CDH4: variants seen among roughly 807,000 people sequenced by gnomAD.
CDH4 encodes the protein cadherin-4.
In CDH4, 33 loss-of-function variants were observed where a neutral mutation model predicts 86.0. That is an observed-to-expected ratio of 0.38 (90% CI 0.29 to 0.51). CDH4 has a LOEUF of 0.51. Ranked by LOEUF, CDH4 falls within the 20% of genes least tolerant of loss-of-function variation. The pLI is 0.86. For synonymous variants in CDH4, 555 were observed against 549.4 expected (o/e 1.01, Z -0.14); for missense variants, 1,114 against 1,307.4 (o/e 0.85, Z 2.28).
intron 8 of CDH4, among the ~76,000 whole-genome samples, chr20:61,908,227 G>T (rs565422148): frequency 6.6e-6 from 1 of 152,210 alleles, no homozygotes; most frequent in South Asian, 2.1e-4. Flanking sequence ...CTTCTGTCGC[G>T]TCGCCGTCCT....
Position 61,879,697 on chromosome 20 carries a change from TGAG to T in CDH4, c.1050+5802_1050+5804del, listed in dbSNP as rs1002991192. The stretch of plus-strand genomic sequence containing the variant: ...CCTAATTAGAATATTTATGGCCTAA[TGAG>T]GAGGTGAACGTGCCGCCCGAGCCCC... On this transcript the variant is annotated intron_variant, in intron 7 of 15. Coordinates refer to ENST00000614565, the MANE Select transcript of CDH4 (RefSeq NM_001794.5). The surrounding 1 kb of genome is among the most constrained non-coding windows in gnomAD (Gnocchi z 4.1). 2.6e-4 allele frequency among the ~76,000 whole-genome samples: 39 copies of T among 152,236 alleles called. No homozygotes were observed. The highest frequency in any genetic ancestry group is 8.9e-4 in the African/African-American group (37 of 41,552).
intron 2 of CDH4, among the ~76,000 whole-genome samples, chr20:61,467,541 T>C (rs6121993): frequency 0.01 from 1,555 of 152,324 alleles, 29 homozygotes; most frequent in African/African-American, 0.036. Context: ...AGGATCTCCT[T>C]GAGGCCAGGG....
chr20:61,286,514 A>T (rs2084294106), intron 2 of CDH4, among the ~76,000 whole-genome samples: 1 of 152,206 alleles, frequency 6.6e-6, no homozygotes, highest in South Asian at 2.1e-4. Context: ...TACGGGTTTC[A>T]GTTCAGAAGT....
intron 2 of CDH4, among the ~76,000 whole-genome samples, chr20:61,373,117 T>A (rs2145436284): frequency 6.6e-6 from 1 of 152,370 alleles, no homozygotes; most frequent in Middle Eastern, 3.4e-3. Context: ...CATGGCTGGC[T>A]TAGGGCAGCA....
At chr20:61,918,649 G>A (rs1423086792) in intron 9 of CDH4, among the ~76,000 whole-genome samples, 1 of 152,150 alleles carries the variant, frequency 6.6e-6, no homozygotes, top group African/African-American at 2.4e-5. Context: ...GACCACCCCT[G>A]GGGAGGATGA....
intron 2 of CDH4, among the ~76,000 whole-genome samples, chr20:61,513,208 C>T (rs889207655): frequency 2.0e-5 from 3 of 152,198 alleles, no homozygotes; most frequent in African/African-American, 2.4e-5. Context: ...GTCTCAGGGT[C>T]TGGCCCTTCC....
At chr20:61,686,561 A>ATGTGCATTCGCGTG (rs2087578873) in intron 2 of CDH4, among the ~76,000 whole-genome samples, 1 of 145,530 alleles carries the variant, frequency 6.9e-6, no homozygotes, top group Non-Finnish European at 1.5e-5. Context: ...GTGTATGTGC[A>ATGTGCATTCGCGTG]TGTGCATTCG....
At chr20:61,622,025 C>T (rs932090912) in intron 2 of CDH4, among the ~76,000 whole-genome samples, 3 of 152,238 alleles carry the variant, frequency 2.0e-5, no homozygotes, top group Admixed American at 6.5e-5. Context: ...CTGTGCCGAT[C>T]GCCTCACAGT....
chr20:61,704,785 GCAC>G (rs1454936534), intron 2 of CDH4, among the ~76,000 whole-genome samples: 4 of 152,018 alleles, frequency 2.6e-5, no homozygotes, highest in African/African-American at 9.7e-5. Flanking sequence ...GCCGCTCTGG[GCAC>G]CACAGGCATT....
intron 3 of CDH4, among the ~76,000 whole-genome samples, chr20:61,760,139 G>A (rs6142850): frequency 2.6e-5 from 4 of 151,436 alleles, no homozygotes; most frequent in Non-Finnish European, 5.9e-5. Flanking sequence ...CTGTATCTTC[G>A]CTTTTGGTGG....
At chr20:61,936,584 C>G (rs1041924706) in intron 15 of CDH4, among the ~76,000 whole-genome samples, 153 bp from the exon 16 acceptor site, 1 of 150,500 alleles carries the variant, frequency 6.6e-6, no homozygotes, top group Non-Finnish European at 1.5e-5. Context: ...CGGAAATGCC[C>G]TTCAGTTAAA....
chr20:61,660,541 T>A (rs971642190), intron 2 of CDH4, among the ~76,000 whole-genome samples: 2 of 152,142 alleles, frequency 1.3e-5, no homozygotes, highest in African/African-American at 4.8e-5. Context: ...GTCTGTTACA[T>A]GTGGGTGCGC....
At chr20:61,634,021 T>C (rs1428452887) in intron 2 of CDH4, among the ~76,000 whole-genome samples, 3 of 152,210 alleles carry the variant, frequency 2.0e-5, no homozygotes, top group African/African-American at 7.2e-5. Context: ...TCTCTGCAAG[T>C]GAAACCTACG....
At chr20:61,512,631 C>T (rs1305598167) in intron 2 of CDH4, among the ~76,000 whole-genome samples, 1 of 152,164 alleles carries the variant, frequency 6.6e-6, no homozygotes, top group African/African-American at 2.4e-5. Flanking sequence ...AGAAATGTTC[C>T]AACACCGGCA....
chr20:61,880,069 G>A (rs1487598598), intron 7 of CDH4, among the ~76,000 whole-genome samples: 1 of 152,232 alleles, frequency 6.6e-6, no homozygotes, highest in Non-Finnish European at 1.5e-5. Flanking sequence ...GAGTGATAAC[G>A]TGGCTCTGTT....
intron 2 of CDH4, among the ~76,000 whole-genome samples, chr20:61,716,573 G>C (rs1246447606): frequency 1.3e-5 from 2 of 152,186 alleles, no homozygotes; most frequent in Admixed American, 1.3e-4. Flanking sequence ...GCAGGCTTGT[G>C]TCCCGCAAAG....
At chr20:61,341,587 G>T (rs1323069765) in intron 2 of CDH4, among the ~76,000 whole-genome samples, 3 of 150,372 alleles carry the variant, frequency 2.0e-5, no homozygotes, top group Non-Finnish European at 2.9e-5. Flanking sequence ...ATTTTTAGCA[G>T]CCTTGAAAAC....
chr20:61,631,857 T>C (rs2145788870), intron 2 of CDH4, among the ~76,000 whole-genome samples: 1 of 152,264 alleles, frequency 6.6e-6, no homozygotes, highest in East Asian at 1.9e-4. Context: ...AGTAAGTGAA[T>C]GGGGCCCTCA....
At chr20:61,496,956 ATTTTTT>A (rs59603072) in intron 2 of CDH4, among the ~76,000 whole-genome samples, 10 of 108,590 alleles carry the variant, frequency 9.2e-5, no homozygotes, top group African/African-American at 3.2e-4. Flanking sequence ...TTGGGGATTG[ATTTTTT>A]TTTTTTTTTT....
Sources: allele counts gnomAD v4.1 joint callset (sites outside exome capture counted in the v4.1 genomes callset), GRCh38; gene constraint gnomAD v4.1.1; non-coding constraint Gnocchi (gnomAD v3.1); transcripts MANE v1.5; gene names NCBI Gene and HGNC (gene_info 2026-07-23, HGNC 2026-07-21).